The following ALDH2 variants were observed in gnomAD, a reference collection of about 807,000 sequenced individuals.
ALDH2 encodes the protein aldehyde dehydrogenase 2 family member.
Under a neutral mutation model 59.6 loss-of-function variants are expected in ALDH2, and 44 were observed. That is an observed-to-expected ratio of 0.74 (90% CI 0.58 to 0.95). ALDH2 has a LOEUF of 0.95. Ranked by LOEUF, ALDH2 falls within the 40% of genes least tolerant of loss-of-function variation. The pLI, the probability that ALDH2 is intolerant of heterozygous loss-of-function variation, is 0.00. For missense variants in ALDH2, 570 were observed against 696.3 expected, an observed-to-expected ratio of 0.82 and a Z score of 2.04; for synonymous variants, 291 against 284.0, an observed-to-expected ratio of 1.02 and a Z score of -0.25.
rs1030582204 is a variant in ALDH2, at chr12:111,790,659, G to T, written c.681+97G>T. 7 of 1,526,342 alleles carry T rather than the reference G, an allele frequency of 4.6e-6. No individual in the cohort carries two copies. The African/African-American group carries it at 9.6e-5, about 21-fold the overall frequency. 94.5% of individuals were successfully genotyped at this position (1,526,342 alleles called of 1,614,324 possible). Reference sequence around the variant, plus strand: ...GGTCTCAGGGGTCCCTAAACAGGGAGGTGTGTTTGTGGAGCCCCCATCACC... The same window carrying T: ...GGTCTCAGGGGTCCCTAAACAGGGATGTGTGTTTGTGGAGCCCCCATCACC... On this transcript the variant is annotated intron_variant, in intron 6 of 12. Transcript: ENST00000261733.
At chr12:111,784,851 T>G (rs2136014671) in intron 3 of ALDH2, among the ~76,000 whole-genome samples, 1 of 152,280 alleles carries the variant, frequency 6.6e-6, no homozygotes, top group African/African-American at 2.4e-5. Flanking sequence ...TGCCTCGGCC[T>G]CCCAAAGTGC....
chr12:111,768,266 G>T (rs769496938), intron 1 of ALDH2, among the ~76,000 whole-genome samples: 25 of 152,292 alleles, frequency 1.6e-4, no homozygotes, highest in Non-Finnish European at 3.4e-4. Flanking sequence ...GATCCTCTGG[G>T]ACTATTGCTG....
At chr12:111,802,336 C>T (rs546519114) in intron 11 of ALDH2, among the ~76,000 whole-genome samples, 10 of 147,586 alleles carry the variant, frequency 6.8e-5, no homozygotes, top group East Asian at 2.0e-4. Context: ...CGCTTGAACC[C>T]GGGAGGCAGA....
rs767280255 is a variant in ALDH2, at chr12:111,803,968, A to C, written c.1516A>C (p.Lys506Gln). The C allele has an allele frequency of 6.2e-7, 1 of 1,607,466 alleles. No individual in the cohort carries two copies. Among genetic ancestry groups the C allele is most frequent in the Admixed American group, 1.7e-5 (1 of 59,188 alleles). The change falls in exon 12 of 13, where the codon AAA becomes CAA. Residue 506 changes from lysine to glutamine, a missense_variant. Transcript: ENST00000261733. ...CGGGCTGCAGGCATACACTGAAGTGAAAACTGTGAGTGTGGGACCTGCTGG... is the reference window on the plus strand; with the variant it reads ...CGGGCTGCAGGCATACACTGAAGTGCAAACTGTGAGTGTGGGACCTGCTGG... Reference protein sequence around the residue: ...EYGLQAYTEVKTVTVKVPQKN... With the variant: ...EYGLQAYTEVQTVTVKVPQKN...
intron 11 of ALDH2, 57 bp from the exon 12 acceptor site, chr12:111,803,802 G>C (rs2068472392): frequency 7.7e-7 from 1 of 1,291,182 alleles, no homozygotes; most frequent in Non-Finnish European, 1.1e-6. Flanking sequence ...AGGGGGTCCT[G>C]GGAGTGTAAC....
intron 9 of ALDH2, among the ~76,000 whole-genome samples, chr12:111,797,062 C>T (rs1016190637): frequency 6.6e-6 from 1 of 151,380 alleles, no homozygotes; most frequent in East Asian, 1.9e-4. Context: ...CTGGTTCAAG[C>T]GATTCTCCTG....
chr12:111,771,018 A>T (rs541144061), intron 1 of ALDH2, among the ~76,000 whole-genome samples: 13 of 151,862 alleles, frequency 8.6e-5, no homozygotes, highest in African/African-American at 3.1e-4. Context: ...AGGCTCAAGC[A>T]ATCTTCCCTC....
chr12:111,784,890 C>T (rs895460345), intron 3 of ALDH2, among the ~76,000 whole-genome samples: 3 of 152,318 alleles, frequency 2.0e-5, no homozygotes, highest in Non-Finnish European at 4.4e-5. Context: ...TCACTACATC[C>T]GGCCTCTAGC....
intron 1 of ALDH2, 40 bp downstream of exon 1, chr12:111,767,136 C>T: frequency 7.0e-7 from 1 of 1,419,836 alleles, no homozygotes; most frequent in Non-Finnish European, 9.2e-7. Context: ...TTTTCCGGCC[C>T]GAGTCCCCCG....
At chr12:111,769,715 C>G (rs778745210) in intron 1 of ALDH2, among the ~76,000 whole-genome samples, 2 of 152,070 alleles carry the variant, frequency 1.3e-5, no homozygotes, top group Non-Finnish European at 2.9e-5. Context: ...GCATTCTACT[C>G]TGGTGGCGCC....
chr12:111,776,494 C>T (rs578178328), intron 1 of ALDH2, among the ~76,000 whole-genome samples: 5 of 152,104 alleles, frequency 3.3e-5, no homozygotes, highest in Admixed American at 6.6e-5. Context: ...GGCATGGTGG[C>T]GCACAGCTGT....
At chr12:111,801,595 A>G (rs866661140) in intron 11 of ALDH2, among the ~76,000 whole-genome samples, 8 of 151,736 alleles carry the variant, frequency 5.3e-5, no homozygotes, top group South Asian at 4.2e-4. Context: ...GCTACTCGGG[A>G]GGCTGAGGCA....
Position 111,817,336 on chromosome 12 carries a change from A to G in ALDH2, c.*7761A>G, listed in dbSNP as rs1271905718. 6.6e-6 allele frequency: 1 copy of G among 152,238 alleles called. No homozygotes were observed. Among genetic ancestry groups the G allele is most frequent in the African/African-American group, 2.4e-5 (1 of 41,472 alleles). 9.4% of individuals were successfully genotyped at this position (152,238 alleles called of 1,614,324 possible). ...GCAGGTGTGGTAGCCCAAGGCTGGG[A>G]CAGATTAACAGGAATCCATAGCCCA... is the stretch of plus-strand genomic sequence containing the variant. On this transcript the variant is annotated 3_prime_UTR_variant, in exon 13 of 13. Transcript: ENST00000261733.
At chr12:111,796,532 T>C (rs575023096) in intron 9 of ALDH2, among the ~76,000 whole-genome samples, 1 of 152,150 alleles carries the variant, frequency 6.6e-6, no homozygotes, top group Non-Finnish European at 1.5e-5. Flanking sequence ...ATGTAAAAAA[T>C]AAGACTTTGT....
intron 1 of ALDH2, among the ~76,000 whole-genome samples, chr12:111,772,662 C>CT (rs945541467): frequency 8.9e-4 from 115 of 129,824 alleles, no homozygotes; most frequent in East Asian, 2.0e-3. Context: ...CACCTGGCCT[C>CT]TTTTTTTTTT....
intron 12 of ALDH2, among the ~76,000 whole-genome samples, chr12:111,808,999 G>C (rs1241361729): frequency 6.6e-6 from 1 of 152,184 alleles, no homozygotes; most frequent in Non-Finnish European, 1.5e-5. Context: ...AACACTGAAT[G>C]AAGTACTGTG....
Position 111,809,854 on chromosome 12 carries a change from G to T in ALDH2, c.*279G>T. The T allele has an allele frequency of 4.1e-6, 2 of 493,206 alleles. No individual in the cohort carries two copies. Among genetic ancestry groups the T allele is most frequent in the East Asian group, 7.1e-5 (2 of 28,290 alleles). 30.6% of individuals were successfully genotyped at this position (493,206 alleles called of 1,614,324 possible). A position where few individuals can be genotyped will look rare whatever the true frequency, so the allele number is the denominator to read the frequency against. On this transcript the variant is annotated 3_prime_UTR_variant, in exon 13 of 13. Transcript: ENST00000261733. The stretch of plus-strand genomic sequence containing the variant: ...AAATGTGTTATCCTCTCTCTGAAAC[G>T]CTTCCTATAACTCGAGTTTATAGGG...
intron 9 of ALDH2, among the ~76,000 whole-genome samples, chr12:111,793,570 G>A (rs1027050741): frequency 1.5e-4 from 23 of 151,346 alleles, no homozygotes; most frequent in Admixed American, 9.2e-4. Flanking sequence ...ACTTAGGTCT[G>A]TAGTGTATAT....
Position 111,814,868 on chromosome 12 carries a change from T to C in ALDH2, c.*5293T>C, listed in dbSNP as rs1388805914. On this transcript the variant is annotated 3_prime_UTR_variant, in exon 13 of 13. Coordinates refer to ENST00000261733, the MANE Select transcript of ALDH2 (RefSeq NM_000690.4). ...AAAAAAAAAAGTAAATGCTATGTTA[T>C]GTGAATTTCACCTCAACTGAAAAAA... 4 of 150,538 alleles carry C rather than the reference T, an allele frequency of 2.7e-5. No homozygotes were observed. The highest frequency in any genetic ancestry group is 2.1e-4 in the South Asian group (1 of 4,790). 9.3% of individuals were successfully genotyped at this position (150,538 alleles called of 1,614,324 possible).
Sources: gnomAD v4.1 joint callset for allele counts (sites outside exome capture counted in the v4.1 genomes callset) on GRCh38, gnomAD v4.1.1 for gene constraint, MANE v1.5 for transcripts, NCBI Gene and HGNC (gene_info 2026-07-23, HGNC 2026-07-21) for gene names.